Variants in SLAIN2 observed in about 807,000 individuals in gnomAD.
SLAIN2 encodes the protein SLAIN motif-containing protein 2.
A neutral mutation model predicts 56.6 loss-of-function variants in SLAIN2; 31 were observed. That is an observed-to-expected ratio of 0.55 (90% CI 0.41 to 0.74). SLAIN2 has a LOEUF of 0.74. SLAIN2 is among the 30% of genes least tolerant of loss of function. The pLI is 0.00. For missense variants in SLAIN2, 777 were observed against 754.2 expected (o/e 1.03, Z -0.35); for synonymous variants, 317 against 284.9 (o/e 1.11, Z -1.13).
At chr4:48,379,930 T>TG in intron 4 of SLAIN2, 82 bp downstream of exon 4, 1 of 1,221,908 alleles carries the variant, frequency 8.2e-7, no homozygotes, top group Non-Finnish European at 1.1e-6. Flanking sequence ...TAAAGTATTG[T>TG]GGGGGTAGTA....
chr4:48,405,866 C>T (rs1220430803), intron 6 of SLAIN2, among the ~76,000 whole-genome samples: 1 of 151,994 alleles, frequency 6.6e-6, no homozygotes, highest in Admixed American at 6.6e-5. Context: ...TTGTTCTTTC[C>T]CTTTATTTAC....
chr4:48,350,373 G>A (rs573345429), intron 1 of SLAIN2, among the ~76,000 whole-genome samples: 18 of 152,272 alleles, frequency 1.2e-4, no homozygotes, highest in Non-Finnish European at 1.9e-4. Context: ...TTACCCTTCT[G>A]CTAGGAACAT....
intron 6 of SLAIN2, among the ~76,000 whole-genome samples, chr4:48,406,857 C>T (rs1196838789): frequency 1.3e-5 from 2 of 152,090 alleles, no homozygotes; most frequent in African/African-American, 4.8e-5. Flanking sequence ...AAATGTATTA[C>T]TCCACCTTCT....
intron 6 of SLAIN2, among the ~76,000 whole-genome samples, chr4:48,404,482 C>G (rs1260630198): frequency 6.6e-6 from 1 of 152,184 alleles, no homozygotes; most frequent in Non-Finnish European, 1.5e-5. Context: ...GTGTTCAAAA[C>G]TAGCTTCTGA....
At chr4:48,364,692 A>G (rs1197523826) in intron 1 of SLAIN2, among the ~76,000 whole-genome samples, 1 of 127,992 alleles carries the variant, frequency 7.8e-6, no homozygotes, top group Admixed American at 7.7e-5. Flanking sequence ...CGGCCAACAC[A>G]GCGAAACCCT....
intron 7 of SLAIN2, among the ~76,000 whole-genome samples, chr4:48,421,654 G>C (rs1717159909): frequency 6.6e-6 from 1 of 152,034 alleles, no homozygotes; most frequent in Non-Finnish European, 1.5e-5. Flanking sequence ...CCTTTCTAGT[G>C]ATGCTGACAC....
intron 6 of SLAIN2, among the ~76,000 whole-genome samples, chr4:48,405,836 A>G (rs1364131221): frequency 6.6e-6 from 1 of 152,160 alleles, no homozygotes; most frequent in African/African-American, 2.4e-5. Context: ...TAGTTTCTTT[A>G]GGAAATTCAG....
intron 1 of SLAIN2, among the ~76,000 whole-genome samples, chr4:48,351,553 GAA>G (rs1228001422): frequency 1.3e-5 from 2 of 152,166 alleles, no homozygotes; most frequent in African/African-American, 2.4e-5. Flanking sequence ...ATGAATCCTA[GAA>G]ACCTGAATCT....
rs1717209759 is a variant in SLAIN2, at chr4:48,423,270, T to C, written c.*1193T>C. On this transcript the variant is annotated 3_prime_UTR_variant, in exon 8 of 8. Coordinates refer to ENST00000264313, the MANE Select transcript of SLAIN2 (RefSeq NM_020846.2). Reference sequence around the variant, plus strand: ...TCTGCCTTACATCAATTTTTGCATTTTTGGTAAAAAAAAAACCCTACTACG... The same window carrying C: ...TCTGCCTTACATCAATTTTTGCATTCTTGGTAAAAAAAAAACCCTACTACG... The C allele has an allele frequency of 1.5e-5, 2 of 131,652 alleles. No individual in the cohort carries two copies. The highest frequency in any genetic ancestry group is 2.9e-5 in the African/African-American group (1 of 34,522). The allele number at this position is 131,652 out of a possible 1,614,324, so 8.2% of individuals were successfully genotyped here.
At chr4:48,395,445 GA>G (rs66798472) in intron 6 of SLAIN2, among the ~76,000 whole-genome samples, 43,320 of 145,774 alleles carry the variant, frequency 0.3, 6,446 homozygotes, top group South Asian at 0.48. Flanking sequence ...GATTTTTTTT[GA>G]AAAAAAAAAG....
At chr4:48,386,642 T>TA (rs1190626673) in intron 6 of SLAIN2, among the ~76,000 whole-genome samples, 1 of 152,206 alleles carries the variant, frequency 6.6e-6, no homozygotes. Flanking sequence ...CTCCAAGTCT[T>TA]ATTGTGAACT....
rs754706915 is a variant in SLAIN2, at chr4:48,341,850, C to G, written c.111C>G (p.Ala37=). 3 of 1,522,624 alleles carry G rather than the reference C, an allele frequency of 2.0e-6. No individual in the cohort carries two copies. Among genetic ancestry groups the G allele is most frequent in the African/African-American group, 1.4e-5 (1 of 69,558 alleles). 94.3% of individuals were successfully genotyped at this position (1,522,624 alleles called of 1,614,324 possible). The part of the protein sequence containing the change: ...QNEQLRSRSG[A]VQGAGSLGPG... ...AACAGCTGAGGAGCCGCTCGGGGGCCGTGCAGGGCGCCGGCTCCCTTGGGC... is the reference window on the plus strand; with the variant it reads ...AACAGCTGAGGAGCCGCTCGGGGGCGGTGCAGGGCGCCGGCTCCCTTGGGC... Residue 37 remains alanine (A), a synonymous_variant, in exon 1 of 8, where the codon GCC becomes GCG. Transcript: ENST00000264313.
At position 48,377,945 on chromosome 4, in the gene SLAIN2, C is replaced by T. The variant is rs1365913763; in HGVS notation, c.588C>T (p.Tyr196=). Residue 196 remains tyrosine, a synonymous_variant, in exon 3 of 8, where the codon TAC becomes TAT. Coordinates refer to ENST00000264313, the MANE Select transcript of SLAIN2 (RefSeq NM_020846.2). ...LYNNPFNSMS[Y]TSPYSPNASS... Reference sequence around the variant, plus strand: ...ATAATCCTTTCAACTCTATGAGTTACACCAGTCCTTACAGTCCAAATGCCA... The same window carrying T: ...ATAATCCTTTCAACTCTATGAGTTATACCAGTCCTTACAGTCCAAATGCCA... 5.6e-6 allele frequency: 9 copies of T among 1,613,838 alleles called. 1 individual carries two copies. Among genetic ancestry groups the T allele is most frequent in the Admixed American group, 5.0e-5 (3 of 59,998 alleles).
intron 1 of SLAIN2, among the ~76,000 whole-genome samples, chr4:48,358,513 T>TGAAC: frequency 6.6e-6 from 1 of 151,942 alleles, no homozygotes; most frequent in African/African-American, 2.4e-5. Flanking sequence ...GAGATGGGGT[T>TGAAC]TCTCCATGTT....
chr4:48,359,990 C>A (rs2109743119), intron 1 of SLAIN2, among the ~76,000 whole-genome samples: 1 of 151,982 alleles, frequency 6.6e-6, no homozygotes, highest in Non-Finnish European at 1.5e-5. Flanking sequence ...CCCGTCTCTA[C>A]TAAAAATACA....
At chr4:48,373,776 T>C (rs34972256) in intron 2 of SLAIN2, among the ~76,000 whole-genome samples, 1 of 151,606 alleles carries the variant, frequency 6.6e-6, no homozygotes, top group Admixed American at 6.6e-5. Context: ...CGCAGTGGCT[T>C]ACACCTGTAA....
Position 48,425,976 on chromosome 4 carries a change from C to A in SLAIN2, c.*3899C>A, listed in dbSNP as rs1194877170. 6.6e-6 allele frequency: 1 copy of A among 152,116 alleles called. No homozygotes were observed. Among genetic ancestry groups the A allele is most frequent in the South Asian group, 2.1e-4 (1 of 4,834 alleles). The allele number at this position is 152,116 out of a possible 1,614,324, so 9.4% of individuals were successfully genotyped here. ...TTCTCTTTAAAAGAAATAAAAAAAT[C>A]TGTTTCTTCTGATTTCGAAAGTAAT... On this transcript the variant is annotated 3_prime_UTR_variant, in exon 8 of 8. Coordinates refer to ENST00000264313, the MANE Select transcript of SLAIN2 (RefSeq NM_020846.2).
chr4:48,354,760 A>T (rs1222461041), intron 1 of SLAIN2, among the ~76,000 whole-genome samples: 1 of 152,156 alleles, frequency 6.6e-6, no homozygotes, highest in African/African-American at 2.4e-5. Flanking sequence ...CAGTGTGCCC[A>T]GCCTGTTATG....
intron 1 of SLAIN2, among the ~76,000 whole-genome samples, chr4:48,362,188 T>G (rs1715343919): frequency 6.6e-6 from 1 of 152,074 alleles, no homozygotes; most frequent in African/African-American, 2.4e-5. Context: ...TTAATAAAAG[T>G]ATGAGAGTGT....
Sources: allele counts gnomAD v4.1 joint callset (sites outside exome capture counted in the v4.1 genomes callset), GRCh38; gene constraint gnomAD v4.1.1; transcripts MANE v1.5; gene names NCBI Gene and HGNC (gene_info 2026-07-23, HGNC 2026-07-21).